PRMT6: variants seen among roughly 807,000 people sequenced by gnomAD.
The protein encoded by PRMT6 is protein arginine N-methyltransferase 6.
Under a neutral mutation model 30.5 loss-of-function variants are expected in PRMT6, and 23 were observed. The observed-to-expected ratio is 0.75, with a 90% CI of 0.54 to 1.07. The LOEUF is 1.07. PRMT6 is among the 50% of genes least tolerant of loss of function. The pLI is 0.00. For synonymous variants in PRMT6, 265 were observed against 228.0 expected (o/e 1.16, Z -1.46); for missense variants, 528 against 514.3 (o/e 1.03, Z -0.26).
chr1:107,057,768 T>C lies in PRMT6; in HGVS notation c.1053T>C (p.Arg351=), dbSNP rs1446214205. The C allele has an allele frequency of 3.7e-6, 6 of 1,613,326 alleles. No homozygotes were observed. The South Asian group carries it at 4.4e-5, about 12-fold the overall frequency. The change falls in exon 1 of 1, where the codon CGT becomes CGC. Residue 351 remains arginine, a synonymous_variant. Coordinates refer to ENST00000370078, the MANE Select transcript of PRMT6 (RefSeq NM_018137.3). ...ITLLPSRDNP[R]RLRVLLRYKV... ...TGCTGCCCTCCCGGGACAACCCCCG[T>C]CGCCTGCGCGTGCTGCTGCGCTACA...
Position 107,056,705 on chromosome 1 carries a change from G to A in PRMT6, c.-11G>A. ...CGCTACGCCCGCCGGGAGCCGGGCA[G>A]AGCGGCCAAGATGTCGCAGCCCAAG... On this transcript the variant is annotated 5_prime_UTR_variant, in exon 1 of 1. Transcript: ENST00000370078. 6.7e-7 allele frequency: 1 copy of A among 1,498,086 alleles called. No individual in the cohort carries two copies. The highest frequency in any genetic ancestry group is 8.9e-7 in the Non-Finnish European group (1 of 1,121,222). The allele number at this position is 1,498,086 out of a possible 1,614,324, so 92.8% of individuals were successfully genotyped here.
At position 107,058,077 on chromosome 1, in the gene PRMT6, T is replaced by C. The variant is rs192200041; in HGVS notation, c.*234T>C. 2 of 614,384 alleles carry C rather than the reference T, an allele frequency of 3.3e-6. No individual in the cohort carries two copies. The highest frequency in any genetic ancestry group is 6.0e-5 in the East Asian group (2 of 33,192). The allele number at this position is 614,384 out of a possible 1,614,324, so 38.1% of individuals were successfully genotyped here. A position where few individuals can be genotyped will look rare whatever the true frequency, so the allele number is the denominator to read the frequency against. ...AACAACGGATACAGCGTGCTTATTATTGGGCATTTAGCCTCAAAAGCATGT... is the reference window on the plus strand; with the variant it reads ...AACAACGGATACAGCGTGCTTATTACTGGGCATTTAGCCTCAAAAGCATGT... On this transcript the variant is annotated 3_prime_UTR_variant, in exon 1 of 1. Coordinates refer to ENST00000370078, the MANE Select transcript of PRMT6 (RefSeq NM_018137.3).
rs762218213 is a variant in PRMT6 at position 107,057,560 on chromosome 1, C to A, written c.845C>A (p.Ser282Ter). The change falls in exon 1 of 1, where the codon TCG becomes TAG. Residue 282 changes from serine (S) to a stop codon, truncating the protein, a stop_gained. Transcript: ENST00000370078. LOFTEE classifies it high-confidence loss of function. The part of the protein sequence containing the change: ...GGRFRCSCYG[S>*]APMHGFAIWF... ...CGCTTCCGCTGCAGCTGCTATGGCT[C>A]GGCGCCCATGCATGGCTTTGCCATC... 1 of 1,613,660 alleles carries A rather than the reference C, an allele frequency of 6.2e-7. No homozygotes were observed. Among genetic ancestry groups the A allele is most frequent in the Non-Finnish European group, 8.5e-7 (1 of 1,179,942 alleles).
Position 107,057,880 on chromosome 1 carries a change from C to A in PRMT6, c.*37C>A. On this transcript the variant is annotated 3_prime_UTR_variant, in exon 1 of 1. Transcript: ENST00000370078. Reference sequence around the variant, plus strand: ...TCTCCCAGCTACCTCCCAAAGCAGCCTGACCTGCGTGGGAGAGGCGTAGCG... The same window carrying A: ...TCTCCCAGCTACCTCCCAAAGCAGCATGACCTGCGTGGGAGAGGCGTAGCG... 1 of 1,553,034 alleles carries A rather than the reference C, an allele frequency of 6.4e-7. No homozygotes were observed. The highest frequency in any genetic ancestry group is 8.7e-7 in the Non-Finnish European group (1 of 1,147,588).
chr1:107,056,769 G>A lies in PRMT6; in HGVS notation c.54G>A (p.Gly18=), dbSNP rs751559253. The A allele has an allele frequency of 6.4e-7, 1 of 1,554,886 alleles. No individual in the cohort carries two copies. The highest frequency in any genetic ancestry group is 8.7e-7 in the Non-Finnish European group (1 of 1,149,338). The change falls in exon 1 of 1, where the codon GGG becomes GGA. Residue 18 remains glycine, a synonymous_variant. Coordinates refer to ENST00000370078, the MANE Select transcript of PRMT6 (RefSeq NM_018137.3). ...AGTCGGGGGGCGGCGGCGAAGGAGG[G>A]GAGGGAACTGAAGAGGAAGATGGCG... ...KLESGGGGEG[G]EGTEEEDGAE...
chr1:107,058,322 A>C lies in PRMT6; in HGVS notation c.*479A>C. The stretch of plus-strand genomic sequence containing the variant: ...AGCCATATTTTCTCAGTCCGAATTA[A>C]TTCCCCCTCCCTAGGTGCCTGTAGG... On this transcript the variant is annotated 3_prime_UTR_variant, in exon 1 of 1. Transcript: ENST00000370078. 1 of 202,114 alleles carries C rather than the reference A, an allele frequency of 4.9e-6. No individual in the cohort carries two copies. Among genetic ancestry groups the C allele is most frequent in the African/African-American group, 2.4e-5 (1 of 42,366 alleles). 12.5% of individuals were successfully genotyped at this position (202,114 alleles called of 1,614,324 possible). A position where few individuals can be genotyped will look rare whatever the true frequency, so the allele number is the denominator to read the frequency against.
rs1404403415 is a variant in PRMT6, at chr1:107,057,390, C to T, written c.675C>T (p.Phe225=). The T allele has an allele frequency of 1.2e-5, 19 of 1,613,710 alleles. No individual in the cohort carries two copies. The highest frequency in any genetic ancestry group is 1.5e-5 in the Non-Finnish European group (18 of 1,180,042). ...TGGACATGAGCTGCCTGGAGGGCTT[C>T]GCCACGCGCTGTCTCATGGGCCACT... ...YGVDMSCLEG[F]ATRCLMGHSE... is the part of the protein sequence containing the mutation. Residue 225 remains phenylalanine (F), a synonymous_variant, in exon 1 of 1, where the codon TTC becomes TTT. Transcript: ENST00000370078.
In PRMT6 at chr1:107,057,841, T is replaced by A; in HGVS notation, c.1126T>A (p.Ter376ArgextTer20). ...EKTKDFAMED[*>R] The stretch of plus-strand genomic sequence containing the variant: ...GACCAAAGACTTTGCCATGGAGGAC[T>A]GAGCGTTGCCTTTTCTCCCAGCTAC... Residue 376 changes from the stop codon to arginine, a stop_lost, in exon 1 of 1, where the codon TGA (stop) becomes AGA (arginine). Transcript: ENST00000370078. 1 of 1,568,040 alleles carries A rather than the reference T, an allele frequency of 6.4e-7. No homozygotes were observed. The highest frequency in any genetic ancestry group is 8.7e-7 in the Non-Finnish European group (1 of 1,155,676).
rs1036819957 is a variant in PRMT6 at position 107,058,124 on chromosome 1, C to T, written c.*281C>T. On this transcript the variant is annotated 3_prime_UTR_variant, in exon 1 of 1. Transcript: ENST00000370078. ...ATGTAGTACCAAGCACTTGTATTTC[C>T]GTATATTTTGTTTCGCGGGGGAGTG... The T allele has an allele frequency of 2.8e-5, 14 of 495,624 alleles. No individual in the cohort carries two copies. The highest frequency in any genetic ancestry group is 2.5e-4 in the East Asian group (6 of 24,004). The allele number at this position is 495,624 out of a possible 1,614,324, so 30.7% of individuals were successfully genotyped here.
Position 107,057,344 on chromosome 1 carries a change from A to G in PRMT6, c.629A>G (p.Gln210Arg). Residue 210 changes from glutamine (Q) to arginine (R), a missense_variant, in exon 1 of 1, where the codon CAG (glutamine) becomes CGG (arginine). By Grantham distance (43) the Gln-to-Arg change is conservative. Transcript: ENST00000370078. ...GAATGGCGCCTGGGCTTCTGGAGCC[A>G]GGTGAAGCAGCACTATGGTGTGGAC... ...MLEWRLGFWS[Q>R]VKQHYGVDMS... is the part of the protein sequence containing the mutation. 1 of 1,613,846 alleles carries G rather than the reference A, an allele frequency of 6.2e-7. No individual in the cohort carries two copies. The highest frequency in any genetic ancestry group is 8.5e-7 in the Non-Finnish European group (1 of 1,180,044).
chr1:107,057,261 T>G lies in PRMT6; in HGVS notation c.546T>G (p.Gly182=). The change falls in exon 1 of 1, where the codon GGT becomes GGG. Residue 182 remains glycine, a synonymous_variant. Transcript: ENST00000370078. The stretch of plus-strand genomic sequence containing the variant: ...GAACCAAGTGGCTGAAGGAGGGCGG[T>G]CTTCTCCTGCCGGCCTCCGCCGAGC... ...HARTKWLKEG[G]LLLPASAELF... is the part of the protein sequence containing the mutation. The G allele has an allele frequency of 6.2e-7, 1 of 1,614,038 alleles. No individual in the cohort carries two copies.
rs1651760775 is a variant in PRMT6 at position 107,057,623 on chromosome 1, A to G, written c.908A>G (p.Lys303Arg). 1 of 1,614,174 alleles carries G rather than the reference A, an allele frequency of 6.2e-7. No homozygotes were observed. The highest frequency in any genetic ancestry group is 8.5e-7 in the Non-Finnish European group (1 of 1,180,032). The change falls in exon 1 of 1, where the codon AAA becomes AGA. Residue 303 changes from lysine (K) to arginine (R), a missense_variant. Transcript: ENST00000370078. ...QVTFPGGESE[K>R]PLVLSTSPFH... ...ACCTTCCCTGGAGGGGAGTCGGAGA[A>G]ACCCCTGGTGCTGTCCACCTCGCCT... is the stretch of plus-strand genomic sequence containing the variant.
Position 107,057,969 on chromosome 1 carries a change from T to C in PRMT6, c.*126T>C. The stretch of plus-strand genomic sequence containing the variant: ...GGGAATATCTCCCCCTTTTCCCTCA[T>C]AGCCTCTAGGGAGGGAGAGTGACTT... On this transcript the variant is annotated 3_prime_UTR_variant, in exon 1 of 1. Transcript: ENST00000370078. The C allele has an allele frequency of 7.8e-7, 1 of 1,279,980 alleles. No individual in the cohort carries two copies. Among genetic ancestry groups the C allele is most frequent in the Non-Finnish European group, 1.1e-6 (1 of 904,970 alleles). The allele number at this position is 1,279,980 out of a possible 1,614,324, so 79.3% of individuals were successfully genotyped here. A position where few individuals can be genotyped will look rare whatever the true frequency, so the allele number is the denominator to read the frequency against.
Position 107,057,517 on chromosome 1 carries a change from G to C in PRMT6, c.802G>C (p.Glu268Gln). Residue 268 changes from glutamate to glutamine, a missense_variant, in exon 1 of 1, where the codon GAG (glutamate) becomes CAG (glutamine). Coordinates refer to ENST00000370078, the MANE Select transcript of PRMT6 (RefSeq NM_018137.3). ...LSRAGLEQEL[E>Q]AGVGGRFRCS... ...CCGCGCCGGCTTGGAGCAGGAGCTG[G>C]AGGCCGGAGTGGGCGGGCGCTTCCG... The C allele has an allele frequency of 1.2e-6, 2 of 1,613,518 alleles. No individual in the cohort carries two copies. Among genetic ancestry groups the C allele is most frequent in the Non-Finnish European group, 1.7e-6 (2 of 1,179,886 alleles).
chr1:107,058,617 A>G lies in PRMT6; in HGVS notation c.*774A>G, dbSNP rs1382501435. On this transcript the variant is annotated 3_prime_UTR_variant, in exon 1 of 1. Coordinates refer to ENST00000370078, the MANE Select transcript of PRMT6 (RefSeq NM_018137.3). ...AAAAATTCTTGTCTCTACTATTATA[A>G]CCAAAAAATATTTCTTGTATGTCCC... The G allele has an allele frequency of 6.0e-6, 1 of 167,128 alleles. No individual in the cohort carries two copies. The highest frequency in any genetic ancestry group is 1.5e-5 in the Non-Finnish European group (1 of 68,134). 10.4% of individuals were successfully genotyped at this position (167,128 alleles called of 1,614,324 possible).
chr1:107,057,569 T>C lies in PRMT6; in HGVS notation c.854T>C (p.Met285Thr), dbSNP rs778264657. ...FRCSCYGSAP[M>T]HGFAIWFQVT... Reference sequence around the variant, plus strand: ...TGCAGCTGCTATGGCTCGGCGCCCATGCATGGCTTTGCCATCTGGTTCCAG... The same window carrying C: ...TGCAGCTGCTATGGCTCGGCGCCCACGCATGGCTTTGCCATCTGGTTCCAG... Residue 285 changes from methionine to threonine, a missense_variant, in exon 1 of 1, where the codon ATG (methionine) becomes ACG (threonine). By Grantham distance (81) the Met-to-Thr change is moderately conservative (BLOSUM62 -1). Coordinates refer to ENST00000370078, the MANE Select transcript of PRMT6 (RefSeq NM_018137.3). 1 of 1,613,868 alleles carries C rather than the reference T, an allele frequency of 6.2e-7. No individual in the cohort carries two copies.
rs771275787 is a variant in PRMT6 at position 107,057,802 on chromosome 1, G to C, written c.1087G>C (p.Asp363His). 12 of 1,603,984 alleles carry C rather than the reference G, an allele frequency of 7.5e-6. No individual in the cohort carries two copies. The highest frequency in any genetic ancestry group is 1.0e-5 in the Non-Finnish European group (12 of 1,174,900). ...LRVLLRYKVG[D>H]QEEKTKDFAM... ...CGTGCTGCTGCGCTACAAAGTGGGA[G>C]ACCAGGAGGAGAAGACCAAAGACTT... Residue 363 changes from aspartate to histidine, a missense_variant, in exon 1 of 1, where the codon GAC (aspartate) becomes CAC (histidine). Coordinates refer to ENST00000370078, the MANE Select transcript of PRMT6 (RefSeq NM_018137.3).
chr1:107,058,061 T>C lies in PRMT6; in HGVS notation c.*218T>C, dbSNP rs1428829952. The C allele has an allele frequency of 4.6e-6, 3 of 651,616 alleles. No individual in the cohort carries two copies. Among genetic ancestry groups the C allele is most frequent in the African/African-American group, 1.8e-5 (1 of 54,570 alleles). The allele number at this position is 651,616 out of a possible 1,614,324, so 40.4% of individuals were successfully genotyped here. On this transcript the variant is annotated 3_prime_UTR_variant, in exon 1 of 1. Transcript: ENST00000370078. ...AAAAGTGATCCCCCTCAACAACGGA[T>C]ACAGCGTGCTTATTATTGGGCATTT...
At position 107,057,493 on chromosome 1, in the gene PRMT6, C is replaced by G. The variant is rs1442247973; in HGVS notation, c.778C>G (p.Arg260Gly). 15 of 1,613,026 alleles carry G rather than the reference C, an allele frequency of 9.3e-6. No homozygotes were observed. The highest frequency in any genetic ancestry group is 1.3e-5 in the Non-Finnish European group (15 of 1,179,722). Residue 260 changes from arginine to glycine, a missense_variant, in exon 1 of 1, where the codon CGC (arginine) becomes GGC (glycine). Physicochemically the swap from Arg to Gly is moderately radical, Grantham distance 125. Transcript: ENST00000370078. ...GCGCTTTGCTCAGCTAGAGCTCTCC[C>G]GCGCCGGCTTGGAGCAGGAGCTGGA... The part of the protein sequence containing the change: ...PQRFAQLELS[R>G]AGLEQELEAG...
Sources: allele counts gnomAD v4.1 joint callset, GRCh38; gene constraint gnomAD v4.1.1; transcripts MANE v1.5; gene names NCBI Gene and HGNC (gene_info 2026-07-23, HGNC 2026-07-21).